The following PPP2R2B variants were observed in gnomAD, a reference collection of about 807,000 sequenced individuals.
PPP2R2B encodes serine/threonine-protein phosphatase 2A 55 kDa regulatory subunit B beta isoform.
In PPP2R2B, 5 loss-of-function variants were observed where a neutral mutation model predicts 46.0. The observed-to-expected ratio is 0.11, with a 90% confidence interval of 0.06 to 0.23. The LOEUF is 0.23. Ranked by LOEUF, PPP2R2B falls within the 10% of genes least tolerant of loss-of-function variation. The pLI is 1.00. For synonymous variants in PPP2R2B, 215 were observed against 206.7 expected, an observed-to-expected ratio of 1.04 and a Z score of -0.34; for missense variants, 367 against 575.0, an observed-to-expected ratio of 0.64 and a Z score of 3.70.
chr5:146,702,317 G>A (rs1251973343), intron 2 of PPP2R2B, among the ~76,000 whole-genome samples: 1 of 152,120 alleles, frequency 6.6e-6, no homozygotes, highest in East Asian at 1.9e-4. Context: ...TGTATGAAAA[G>A]GCTCCTTATG....
chr5:146,727,849 G>C (rs116597208), intron 2 of PPP2R2B, among the ~76,000 whole-genome samples: 5 of 151,766 alleles, frequency 3.3e-5, no homozygotes, highest in African/African-American at 9.7e-5. Context: ...ATACCCAATT[G>C]CTCCCCCTTC....
At chr5:146,828,105 A>G (rs319150) in intron 2 of PPP2R2B, among the ~76,000 whole-genome samples, 22,367 of 152,024 alleles carry the variant, frequency 0.15, 1,800 homozygotes, top group African/African-American at 0.2. Flanking sequence ...TTGCAACTCA[A>G]GGAGGTTAGG....
chr5:147,072,481 T>C (rs1317116098), intron 2 of PPP2R2B, among the ~76,000 whole-genome samples: 2 of 152,178 alleles, frequency 1.3e-5, no homozygotes, highest in African/African-American at 2.4e-5. Context: ...TTTCCAAGAT[T>C]ACTCAATCAC....
intron 9 of PPP2R2B, among the ~76,000 whole-genome samples, chr5:146,591,543 C>A (rs1304301552): frequency 6.6e-6 from 1 of 151,932 alleles, no homozygotes; most frequent in African/African-American, 2.4e-5. Context: ...TAAAGTCCAC[C>A]CTCAAACCCA....
intron 2 of PPP2R2B, among the ~76,000 whole-genome samples, chr5:146,743,854 C>T (rs1294666430): frequency 6.6e-6 from 1 of 152,130 alleles, no homozygotes; most frequent in East Asian, 1.9e-4. Context: ...ATCAATCTGC[C>T]TCCATAGTGG....
chr5:147,018,036 TGCGC>T (rs140640188), intron 1 of PPP2R2B, among the ~76,000 whole-genome samples: 2,182 of 15,536 alleles, frequency 0.14, 34 homozygotes, highest in African/African-American at 0.26. Flanking sequence ...CACACATGCA[TGCGC>T]GCGCACACAC....
chr5:146,920,329 A>G (rs1763553487), intron 1 of PPP2R2B, among the ~76,000 whole-genome samples: 1 of 152,194 alleles, frequency 6.6e-6, no homozygotes, highest in South Asian at 2.1e-4. Context: ...GCTGTGTGCT[A>G]TAAAGCCCTT....
At chr5:147,069,268 C>T (rs955974198) in intron 2 of PPP2R2B, among the ~76,000 whole-genome samples, 5 of 151,900 alleles carry the variant, frequency 3.3e-5, no homozygotes, top group African/African-American at 7.3e-5. Flanking sequence ...ACGTCAGAAG[C>T]GAAAACAAAA....
chr5:146,690,171 A>G (rs1414331425), intron 5 of PPP2R2B, among the ~76,000 whole-genome samples: 1 of 152,122 alleles, frequency 6.6e-6, no homozygotes, highest in Non-Finnish European at 1.5e-5. Context: ...CATATTTTAC[A>G]CAGTTTTACA....
intron 2 of PPP2R2B, among the ~76,000 whole-genome samples, chr5:146,790,199 C>T (rs1261719039): frequency 6.6e-6 from 1 of 152,194 alleles, no homozygotes; most frequent in Non-Finnish European, 1.5e-5. Context: ...ACTGGTTTTC[C>T]TGAAGACTCT....
At chr5:146,861,047 A>AT (rs869248861) in intron 2 of PPP2R2B, among the ~76,000 whole-genome samples, 6,178 of 131,628 alleles carry the variant, frequency 0.047, 391 homozygotes, top group African/African-American at 0.089. Context: ...TTCAAACTGA[A>AT]TTTTTTCTTT....
At chr5:146,981,960 G>A (rs986423463) in intron 1 of PPP2R2B, among the ~76,000 whole-genome samples, 3 of 152,226 alleles carry the variant, frequency 2.0e-5, no homozygotes, top group Admixed American at 2.0e-4. Context: ...CAGGTGGTCA[G>A]CATTTGGTCA....
At chr5:147,024,677 T>G (rs2151887423) in intron 1 of PPP2R2B, among the ~76,000 whole-genome samples, 1 of 152,086 alleles carries the variant, frequency 6.6e-6, no homozygotes, top group South Asian at 2.1e-4. Context: ...AGCTGGAATG[T>G]CCTCCAACAT....
At chr5:146,843,899 C>T (rs964450510) in intron 2 of PPP2R2B, among the ~76,000 whole-genome samples, 4 of 151,654 alleles carry the variant, frequency 2.6e-5, no homozygotes, top group African/African-American at 4.8e-5. Context: ...TGAATAGTGC[C>T]GCAATAAACA....
chr5:146,642,560 A>G lies in PPP2R2B; in HGVS notation c.626-4145T>C, dbSNP rs116239157. 8.9e-3 allele frequency among the ~76,000 whole-genome samples: 1,359 copies of G among 152,326 alleles called. 22 individuals carry two copies. Among genetic ancestry groups the G allele is most frequent in the African/African-American group, 0.031 (1,287 of 41,576 alleles). Reference sequence around the variant, plus strand: ...TTTGCAGTGAAATTTCCAAGTCTGTAAAAACCATAGTGCACAAAATTCTAA... The same window carrying G: ...TTTGCAGTGAAATTTCCAAGTCTGTGAAAACCATAGTGCACAAAATTCTAA... On this transcript the variant is annotated intron_variant, in intron 6 of 9. Transcript: ENST00000394411.
At position 146,878,313 on chromosome 5, in the gene PPP2R2B, T is replaced by C; in HGVS notation, c.-124-118A>G. ...GGCTCCTCCCGCGCGGTGCGCTCAC[T>C]CCAGCTCCAGTTCCCAGCGAGGATG... On this transcript the variant is annotated intron_variant, in intron 1 of 9. Transcript: ENST00000394411. The surrounding 1 kb of genome is among the most constrained non-coding windows in gnomAD (Gnocchi z 4.5). 6.9e-7 allele frequency: 1 copy of C among 1,444,146 alleles called. No homozygotes were observed. The highest frequency in any genetic ancestry group is 9.0e-7 in the Non-Finnish European group (1 of 1,105,536). 89.5% of individuals were successfully genotyped at this position (1,444,146 alleles called of 1,614,324 possible).
intron 2 of PPP2R2B, among the ~76,000 whole-genome samples, chr5:146,759,551 T>A (rs1303199158): frequency 6.6e-6 from 1 of 152,308 alleles, no homozygotes; most frequent in South Asian, 2.1e-4. Context: ...AAACTCTTAC[T>A]TATCCTCCAA....
chr5:146,955,655 C>T (rs1367958214), intron 1 of PPP2R2B, among the ~76,000 whole-genome samples: 1 of 151,972 alleles, frequency 6.6e-6, no homozygotes, highest in Non-Finnish European at 1.5e-5. Flanking sequence ...AACAAAGGGG[C>T]TTGCTTACTC....
At chr5:147,021,856 ACT>A (rs1275513218) in intron 1 of PPP2R2B, among the ~76,000 whole-genome samples, 2 of 152,224 alleles carry the variant, frequency 1.3e-5, no homozygotes, top group African/African-American at 4.8e-5. Flanking sequence ...ATAGAAGCAA[ACT>A]CTAAAAATGA....
Sources: gnomAD v4.1 joint callset for allele counts (sites outside exome capture counted in the v4.1 genomes callset) on GRCh38, gnomAD v4.1.1 for gene constraint, Gnocchi (gnomAD v3.1) non-coding constraint, MANE v1.5 for transcripts, NCBI Gene and HGNC (gene_info 2026-07-23, HGNC 2026-07-21) for gene names.